The following THNSL1 variants were observed in gnomAD, a reference collection of about 807,000 sequenced individuals.
THNSL1 encodes threonine synthase-like 1.
In THNSL1, 48 loss-of-function variants were observed where a neutral mutation model predicts 50.4. The ratio of observed to expected loss-of-function variants is 0.95; its 90% CI spans 0.76 to 1.21. The LOEUF is 1.21. Among genes scored for constraint, THNSL1 ranks in the 50% most tolerant of loss-of-function variants. The pLI is 0.00. For synonymous variants in THNSL1, 309 were observed against 306.1 expected (o/e 1.01, Z -0.10); for missense variants, 896 against 871.7 (o/e 1.03, Z -0.35).
chr10:24,962,434 A>C, the THNSL1 span, among the ~76,000 whole-genome samples: 11 of 152,244 alleles, frequency 7.2e-5, no homozygotes, highest in Non-Finnish European at 1.3e-4. Flanking sequence ...CATTAACTTC[A>C]AAATCAATGA....
chr10:24,995,007 T>C, the THNSL1 span, among the ~76,000 whole-genome samples: 1 of 152,106 alleles, frequency 6.6e-6, no homozygotes, highest in Non-Finnish European at 1.5e-5. Flanking sequence ...GGAAACAGCA[T>C]GAGAATATGT....
chr10:24,963,697 A>T, the THNSL1 span, among the ~76,000 whole-genome samples: 130 of 152,372 alleles, frequency 8.5e-4, no homozygotes, highest in South Asian at 1.4e-3. Context: ...AAAGCAAACC[A>T]TGAAAAATGA....
chr10:25,017,040 GACCGCCCCTT>G (rs1850607960), intron 1 of THNSL1, among the ~76,000 whole-genome samples: 1 of 152,084 alleles, frequency 6.6e-6, no homozygotes, highest in Non-Finnish European at 1.5e-5. Flanking sequence ...CTGCTCCCGG[GACCGCCCCTT>G]GGGCGGTCCT....
In THNSL1 at chr10:25,024,215, G is replaced by A; in HGVS notation, c.992G>A (p.Arg331Lys). ...GCCTGCTCAAAAATTGCTCCTGTCA[G>A]GCACCTTTCAGGCAACCAGTTCATC... Reference protein sequence around the residue: ...NFACSKIAPVRHLSGNQFILE... With the variant: ...NFACSKIAPVKHLSGNQFILE... Residue 331 changes from arginine to lysine, a missense_variant, in exon 3 of 3, where the codon AGG (arginine) becomes AAG (lysine). Physicochemically the swap from Arg to Lys is conservative, Grantham distance 26 (BLOSUM62 2). Transcript: ENST00000376356. 1 of 1,614,200 alleles carries A rather than the reference G, an allele frequency of 6.2e-7. No individual in the cohort carries two copies. Among genetic ancestry groups the A allele is most frequent in the Non-Finnish European group, 8.5e-7 (1 of 1,180,030 alleles).
chr10:24,988,296 GTA>G, the THNSL1 span, among the ~76,000 whole-genome samples: 2 of 139,258 alleles, frequency 1.4e-5, no homozygotes, highest in African/African-American at 2.7e-5. Flanking sequence ...ATTTATATAT[GTA>G]TATATATTTA....
At chr10:25,010,655 T>C in the THNSL1 span, among the ~76,000 whole-genome samples, 2 of 148,646 alleles carry the variant, frequency 1.3e-5, no homozygotes, top group Non-Finnish European at 3.0e-5. Flanking sequence ...CCATGTGTTC[T>C]CATTGTTCAA....
At chr10:24,952,498 C>A in the THNSL1 span, 1 of 1,568,418 alleles carries the variant, frequency 6.4e-7, no homozygotes, top group Non-Finnish European at 8.7e-7. This position sits in a 1 kb window ranked among gnomAD's most constrained non-coding sequence, Gnocchi z 5.1. Flanking sequence ...GGGAGCGGGC[C>A]GAGCCCCAAA....
the THNSL1 span, chr10:24,984,744 A>G: frequency 6.2e-7 from 1 of 1,607,862 alleles, no homozygotes; most frequent in Non-Finnish European, 8.5e-7. Context: ...ACTTATTGGC[A>G]ATATAAATAA....
chr10:25,022,337 G>T (rs973727822), intron 2 of THNSL1, among the ~76,000 whole-genome samples: 1 of 152,140 alleles, frequency 6.6e-6, no homozygotes, highest in Non-Finnish European at 1.5e-5. Context: ...CTGGGGTCTG[G>T]AAATTGAGTT....
In THNSL1 at chr10:25,025,047, G is replaced by C; in HGVS notation, c.1824G>C (p.Glu608Asp). The change falls in exon 3 of 3, where the codon GAG becomes GAC. Residue 608 changes from glutamate to aspartate, a missense_variant. Coordinates refer to ENST00000376356, the MANE Select transcript of THNSL1 (RefSeq NM_024838.5). ...TCCAGATAGAAAAGGCTCTAGTTGA[G>C]AAACTTCAGCAGGATTTTGTAGCTG... ...HHFQIEKALV[E>D]KLQQDFVADW... The C allele has an allele frequency of 6.2e-7, 1 of 1,614,244 alleles. No individual in the cohort carries two copies. The highest frequency in any genetic ancestry group is 8.5e-7 in the Non-Finnish European group (1 of 1,180,038).
At chr10:25,001,211 CA>C in the THNSL1 span, among the ~76,000 whole-genome samples, 1 of 152,006 alleles carries the variant, frequency 6.6e-6, no homozygotes, top group Admixed American at 6.5e-5. Context: ...CCATAAAGGA[CA>C]TTTTTAAACT....
the THNSL1 span, among the ~76,000 whole-genome samples, chr10:25,004,060 A>G: frequency 3.3e-5 from 5 of 152,234 alleles, no homozygotes; most frequent in Non-Finnish European, 7.3e-5. Context: ...TATTTATTGG[A>G]TAATTTTTAC....
At chr10:24,960,429 T>C in the THNSL1 span, among the ~76,000 whole-genome samples, 6,223 of 151,968 alleles carry the variant, frequency 0.041, 329 homozygotes, top group African/African-American at 0.12. Context: ...TTATTTTATT[T>C]TTATTTTTAT....
At chr10:25,022,857 T>C (rs1316831105) in intron 2 of THNSL1, among the ~76,000 whole-genome samples, 1 of 152,202 alleles carries the variant, frequency 6.6e-6, no homozygotes, top group African/African-American at 2.4e-5. Context: ...TTTGATTTAG[T>C]GTATATATAC....
chr10:25,017,456 C>G (rs755839468), intron 1 of THNSL1, among the ~76,000 whole-genome samples: 1 of 152,134 alleles, frequency 6.6e-6, no homozygotes, highest in Non-Finnish European at 1.5e-5. Flanking sequence ...AGAAAACACA[C>G]TTGAGTCTGG....
At chr10:24,989,655 T>C in the THNSL1 span, among the ~76,000 whole-genome samples, 1 of 152,354 alleles carries the variant, frequency 6.6e-6, no homozygotes, top group South Asian at 2.1e-4. Context: ...TGTTTATTGA[T>C]GATTATGATG....
the THNSL1 span, among the ~76,000 whole-genome samples, chr10:24,969,835 T>A: frequency 5.9e-5 from 9 of 152,346 alleles, no homozygotes; most frequent in African/African-American, 2.2e-4. Context: ...CTAAGCTTGA[T>A]TGCCTTAGAA....
chr10:25,001,588 T>C, the THNSL1 span, among the ~76,000 whole-genome samples: 1 of 152,148 alleles, frequency 6.6e-6, no homozygotes, highest in Admixed American at 6.5e-5. Flanking sequence ...CATTTTGCAT[T>C]GTTCTATTAC....
the THNSL1 span, among the ~76,000 whole-genome samples, chr10:24,972,521 T>A: frequency 0.081 from 11,407 of 140,404 alleles, 982 homozygotes; most frequent in African/African-American, 0.26. Context: ...AAAAAAAAAA[T>A]AAATAATAAT....
Sources: gnomAD v4.1 joint callset for allele counts (sites outside exome capture counted in the v4.1 genomes callset) on GRCh38, gnomAD v4.1.1 for gene constraint, Gnocchi (gnomAD v3.1) non-coding constraint, MANE v1.5 for transcripts, NCBI Gene and HGNC (gene_info 2026-07-23, HGNC 2026-07-21) for gene names.